PPM1L: variants seen among roughly 807,000 people sequenced by gnomAD.
The protein encoded by PPM1L is protein phosphatase, Mg2+/Mn2+ dependent 1L.
PPM1L carries 13 observed loss-of-function variants against 31.4 expected under a neutral mutation model. That is an observed-to-expected ratio of 0.41 (90% CI 0.27 to 0.66). The LOEUF is 0.66. PPM1L is among the 30% of genes least tolerant of loss of function. PPM1L has a pLI of 0.29. For synonymous variants in PPM1L, 184 were observed against 175.4 expected, an observed-to-expected ratio of 1.05 and a Z score of -0.39; for missense variants, 326 against 453.7, an observed-to-expected ratio of 0.72 and a Z score of 2.56.
Position 160,756,749 on chromosome 3 carries a change from T to TA in PPM1L, c.399+42_399+43insA, listed in dbSNP as rs1210266614. On this transcript the variant is annotated intron_variant, in intron 1 of 3. Coordinates refer to ENST00000498165, the MANE Select transcript of PPM1L (RefSeq NM_139245.4). The surrounding 1 kb of genome is among the most constrained non-coding windows in gnomAD (Gnocchi z 6.2). Reference sequence around the variant, plus strand: ...GGCTTTGTATTTGTGTCCGTGTATGTCTCGTGTGTGTGTGTGTGTGTGTGT... The same window carrying TA: ...GGCTTTGTATTTGTGTCCGTGTATGTACTCGTGTGTGTGTGTGTGTGTGTGT... 7.7e-7 allele frequency: 1 copy of TA among 1,296,406 alleles called. No individual in the cohort carries two copies. Among genetic ancestry groups the TA allele is most frequent in the Admixed American group, 2.1e-5 (1 of 48,748 alleles). The allele number at this position is 1,296,406 out of a possible 1,614,324, so 80.3% of individuals were successfully genotyped here.
chr3:160,936,170 A>G (rs1576725136), intron 1 of PPM1L, among the ~76,000 whole-genome samples: 1 of 151,826 alleles, frequency 6.6e-6, no homozygotes, highest in South Asian at 2.1e-4. Flanking sequence ...ACTCACTGCA[A>G]CCTCCGCCTT....
intron 1 of PPM1L, among the ~76,000 whole-genome samples, chr3:160,888,369 G>A (rs1713007230): frequency 6.6e-6 from 1 of 152,104 alleles, no homozygotes; most frequent in Non-Finnish European, 1.5e-5. Flanking sequence ...AAAGAAAGCA[G>A]GGGTTTCAAT....
At chr3:160,800,094 AAAAG>A (rs1712379116) in intron 1 of PPM1L, among the ~76,000 whole-genome samples, 1 of 152,220 alleles carries the variant, frequency 6.6e-6, no homozygotes, top group African/African-American at 2.4e-5. Context: ...TTTCAAGAAA[AAAAG>A]TGCATACTGA....
chr3:160,903,458 A>G (rs1019805408), intron 1 of PPM1L, among the ~76,000 whole-genome samples: 28 of 152,162 alleles, frequency 1.8e-4, no homozygotes. Flanking sequence ...AATAACTTTT[A>G]CTTAAAATCA....
intron 1 of PPM1L, among the ~76,000 whole-genome samples, chr3:160,797,302 A>C (rs949953692): frequency 6.6e-6 from 1 of 152,206 alleles, no homozygotes; most frequent in African/African-American, 2.4e-5. Context: ...AATCACACCC[A>C]TAGAAGACAA....
chr3:161,061,124 A>G (rs1244595144), intron 2 of PPM1L, among the ~76,000 whole-genome samples: 4 of 152,148 alleles, frequency 2.6e-5, no homozygotes, highest in Non-Finnish European at 5.9e-5. Context: ...AAGCCCAAAC[A>G]GTAAGTTTTT....
At chr3:160,854,230 C>T (rs1711608438) in intron 1 of PPM1L, among the ~76,000 whole-genome samples, 1 of 152,070 alleles carries the variant, frequency 6.6e-6, no homozygotes. Flanking sequence ...TTTTGTTGCC[C>T]ATGCTTACCT....
At chr3:160,970,445 A>ATTTTTTT (rs1491444648) in intron 2 of PPM1L, among the ~76,000 whole-genome samples, 2 of 33,462 alleles carry the variant, frequency 6.0e-5, no homozygotes, top group African/African-American at 1.2e-4. Context: ...ACCAAGCTGA[A>ATTTTTTT]TATTTTTTTT....
chr3:160,761,895 A>C (rs1347339485), intron 1 of PPM1L, among the ~76,000 whole-genome samples: 1 of 152,152 alleles, frequency 6.6e-6, no homozygotes, highest in African/African-American at 2.4e-5. Flanking sequence ...AGACTTATTC[A>C]CTATCATGAG....
intron 2 of PPM1L, among the ~76,000 whole-genome samples, chr3:161,015,127 C>A (rs1201390878): frequency 6.6e-6 from 1 of 152,098 alleles, no homozygotes; most frequent in Non-Finnish European, 1.5e-5. Context: ...TCTCTTAACA[C>A]CACTCACACA....
At chr3:161,046,223 G>A (rs1476956876) in intron 2 of PPM1L, among the ~76,000 whole-genome samples, 5 of 148,928 alleles carry the variant, frequency 3.4e-5, no homozygotes, top group Non-Finnish European at 5.9e-5. Flanking sequence ...GAGAGAAGAA[G>A]CAAATAGACA....
intron 2 of PPM1L, among the ~76,000 whole-genome samples, chr3:160,987,159 G>A (rs989047539): frequency 6.6e-6 from 1 of 152,144 alleles, no homozygotes; most frequent in African/African-American, 2.4e-5. Flanking sequence ...GTGTAGCAGT[G>A]GGCCACAGGA....
intron 1 of PPM1L, among the ~76,000 whole-genome samples, chr3:160,794,945 G>A (rs1236563142): frequency 6.6e-6 from 1 of 152,132 alleles, no homozygotes; most frequent in Non-Finnish European, 1.5e-5. Flanking sequence ...GAAATGATCT[G>A]ATTTGAGGCA....
chr3:160,865,034 A>G (rs960833854), intron 1 of PPM1L, among the ~76,000 whole-genome samples: 1 of 152,048 alleles, frequency 6.6e-6, no homozygotes, highest in African/African-American at 2.4e-5. Context: ...TGGTTTTTGA[A>G]AAAACAAAAT....
intron 1 of PPM1L, among the ~76,000 whole-genome samples, chr3:160,759,070 A>G (rs1354486582): frequency 6.6e-6 from 1 of 152,144 alleles, no homozygotes; most frequent in Non-Finnish European, 1.5e-5. Context: ...CTTTTTCTTT[A>G]TATATCATTC....
chr3:160,834,303 A>G (rs1219004016), intron 1 of PPM1L, among the ~76,000 whole-genome samples: 1 of 151,986 alleles, frequency 6.6e-6, no homozygotes, highest in Admixed American at 6.6e-5. Flanking sequence ...GATTACAGGT[A>G]TGAGCCACCG....
chr3:160,992,513 T>C (rs182282872), intron 2 of PPM1L, among the ~76,000 whole-genome samples: 2 of 152,348 alleles, frequency 1.3e-5, no homozygotes, highest in East Asian at 3.9e-4. Flanking sequence ...TGAAGTTTAG[T>C]AGTTCTGTAA....
At chr3:160,805,700 C>T (rs1199169485) in intron 1 of PPM1L, among the ~76,000 whole-genome samples, 2 of 152,008 alleles carry the variant, frequency 1.3e-5, no homozygotes, top group East Asian at 1.9e-4. Context: ...CCAGCCTGGG[C>T]GACAGAGTGA....
intron 1 of PPM1L, among the ~76,000 whole-genome samples, chr3:160,794,168 C>CT (rs1446279127): frequency 6.6e-6 from 1 of 152,034 alleles, no homozygotes; most frequent in Admixed American, 6.6e-5. Context: ...TGTTGTTGTT[C>CT]TTATCTGTTT....
Sources: gnomAD v4.1 joint callset for allele counts (sites outside exome capture counted in the v4.1 genomes callset) on GRCh38, gnomAD v4.1.1 for gene constraint, Gnocchi (gnomAD v3.1) non-coding constraint, MANE v1.5 for transcripts, NCBI Gene and HGNC (gene_info 2026-07-23, HGNC 2026-07-21) for gene names.